The following SYNE2 variants were observed in gnomAD, a reference collection of about 807,000 sequenced individuals.
The protein encoded by SYNE2 is nesprin-2.
A neutral mutation model predicts 856.3 loss-of-function variants in SYNE2; 431 were observed. That is an observed-to-expected ratio of 0.50 (90% confidence interval 0.47 to 0.55). The LOEUF (loss-of-function observed/expected upper bound fraction) is 0.55, where lower values mean the gene tolerates loss of function less well. Among genes scored for constraint, SYNE2 ranks in the 20% least tolerant of loss-of-function variants. SYNE2 has a pLI of 0.00. For synonymous variants in SYNE2, 2,923 were observed against 2,872.3 expected (o/e 1.02, Z -0.56); for missense variants, 8,129 against 8,023.2 (o/e 1.01, Z -0.50).
rs1165630009 is a variant in SYNE2, at chr14:64,220,625, C to T, written c.20049C>T (p.Leu6683=). Residue 6683 remains leucine, a synonymous_variant, in exon 111 of 116, where the codon CTC becomes CTT. Transcript: ENST00000555002. Reference sequence around the variant, plus strand: ...GGAGAGGGGGCTTACGACAGTCGCTCATGCAGTGCCAGGTACGCTGACTCA... The same window carrying T: ...GGAGAGGGGGCTTACGACAGTCGCTTATGCAGTGCCAGGTACGCTGACTCA... ...DSWRGGLRQS[L]MQCQDFHQLS... is the part of the protein sequence containing the mutation. 8 of 1,613,914 alleles carry T rather than the reference C, an allele frequency of 5.0e-6. No homozygotes were observed. The highest frequency in any genetic ancestry group is 4.4e-5 in the South Asian group (4 of 91,054).
At position 63,832,738 on chromosome 14, in the gene SYNE2, A is replaced by G. The variant is rs550595950; in HGVS notation, c.-304-19763A>G. On this transcript the variant is annotated intron_variant, in intron 1 of 23. Transcript: ENST00000674003. Reference sequence around the variant, plus strand: ...AAGTAGGATAATTTTACTGGTAAATAATAATGCAGACCGGGTGCCATGGCT... The same window carrying G: ...AAGTAGGATAATTTTACTGGTAAATGATAATGCAGACCGGGTGCCATGGCT... Among the ~76,000 whole-genome samples the G allele has an allele frequency of 5.3e-5, 8 of 151,984 alleles. No homozygotes were observed. The South Asian group carries it at 1.7e-3, about 32-fold the overall frequency.
At chr14:64,208,098 C>T (rs1304145452) in intron 100 of SYNE2, 1 of 455,942 alleles carries the variant, frequency 2.2e-6, no homozygotes, top group Admixed American at 2.3e-5. Flanking sequence ...TGGGGAACTG[C>T]ATCACTATCA....
chr14:64,092,852 G>T (rs1239856436), intron 60 of SYNE2, among the ~76,000 whole-genome samples: 1 of 152,102 alleles, frequency 6.6e-6, no homozygotes, highest in African/African-American at 2.4e-5. Context: ...GATCCCAAGG[G>T]GTACCAGGTG....
At chr14:63,893,687 T>C (rs745970240) in intron 1 of SYNE2, among the ~76,000 whole-genome samples, 2 of 152,194 alleles carry the variant, frequency 1.3e-5, no homozygotes, top group Non-Finnish European at 2.9e-5. Context: ...ATAATAAAGA[T>C]AAAACAGCAA....
At chr14:64,119,650 T>C (rs2065889930) in intron 67 of SYNE2, 41 bp downstream of exon 67, 1 of 1,603,440 alleles carries the variant, frequency 6.2e-7, no homozygotes. Flanking sequence ...TTGATACACA[T>C]ATGTGGCAGA....
At chr14:64,201,077 A>G (rs1056088556) in intron 99 of SYNE2, among the ~76,000 whole-genome samples, 2 of 152,198 alleles carry the variant, frequency 1.3e-5, no homozygotes, top group Non-Finnish European at 2.9e-5. Flanking sequence ...CGCCACCTGC[A>G]AGGTGGATAA....
Position 64,051,720 on chromosome 14 carries a change from C to G in SYNE2, c.7807C>G (p.Leu2603Val). The G allele has an allele frequency of 6.2e-7, 1 of 1,614,184 alleles. No individual in the cohort carries two copies. The change falls in exon 48 of 116, where the codon CTT becomes GTT. Residue 2603 changes from leucine to valine, a missense_variant. Around this residue, in one of 3 missense-constraint regions of SYNE2, gnomAD observed 5,410 missense variants for 5,284.8 expected, o/e 1.02. Transcript: ENST00000555002. ...KKLLESQIKQ[L>V]EHGWEQVEQQ... ...ATTGTTGGAAAGCCAGATTAAGCAA[C>G]TTGAACATGGTTGGGAACAAGTGGA...
At chr14:64,215,232 G>A in intron 106 of SYNE2, 54 bp from the exon 107 acceptor site, 1 of 1,438,436 alleles carries the variant, frequency 7.0e-7, no homozygotes, top group South Asian at 1.1e-5. Context: ...GTTAATACTT[G>A]GGCATTAATC....
chr14:64,075,974 A>T lies in SYNE2; in HGVS notation c.10896A>T (p.Lys3632Asn), dbSNP rs757898942. The T allele has an allele frequency of 6.2e-7, 1 of 1,613,802 alleles. No homozygotes were observed. The highest frequency in any genetic ancestry group is 8.5e-7 in the Non-Finnish European group (1 of 1,179,862). Residue 3632 changes from lysine to asparagine, a missense_variant, in exon 54 of 116, where the codon AAA becomes AAT. Coordinates refer to ENST00000555002, the MANE Select transcript of SYNE2 (RefSeq NM_182914.3). ...TTCAAAGCATCCTTAAGAAAGGGAA[A>T]CTAACTTTTGAGAATATTATGGAAA... ...EELQSILKKG[K>N]LTFENIMEKL...
At chr14:63,831,326 C>T (rs976255290) in intron 1 of SYNE2, among the ~76,000 whole-genome samples, 13 of 152,038 alleles carry the variant, frequency 8.6e-5, no homozygotes, top group East Asian at 5.8e-4. Flanking sequence ...TGGGACTCTA[C>T]CTCTTTCTAT....
intron 2 of SYNE2, among the ~76,000 whole-genome samples, chr14:63,934,701 A>G (rs1398689521): frequency 1.3e-5 from 2 of 152,060 alleles, no homozygotes; most frequent in African/African-American, 4.8e-5. Flanking sequence ...CCTTCCTGCC[A>G]TAACTCCCCT....
intron 2 of SYNE2, among the ~76,000 whole-genome samples, chr14:63,930,394 T>G (rs1038735069): frequency 6.6e-6 from 1 of 152,076 alleles, no homozygotes; most frequent in African/African-American, 2.4e-5. Flanking sequence ...CAGTTGTTAA[T>G]TTTTAAAAAA....
chr14:64,212,485 T>G (rs1024848077), intron 104 of SYNE2, among the ~76,000 whole-genome samples: 6 of 152,240 alleles, frequency 3.9e-5, no homozygotes, highest in Admixed American at 3.3e-4. Flanking sequence ...ATTCGTGGCT[T>G]ATTATGGGAA....
chr14:63,799,075 C>CTTTGT (rs900929272), intron 1 of SYNE2, among the ~76,000 whole-genome samples: 8 of 152,118 alleles, frequency 5.3e-5, no homozygotes, highest in Non-Finnish European at 1.0e-4. Flanking sequence ...GACAAATGTG[C>CTTTGT]TTTGTTTTGT....
At chr14:63,795,615 C>T (rs550623120) in intron 1 of SYNE2, among the ~76,000 whole-genome samples, 52 of 152,238 alleles carry the variant, frequency 3.4e-4, no homozygotes, top group African/African-American at 1.2e-3. Flanking sequence ...TGGTCTCAAA[C>T]TCCTGGATTA....
intron 7 of SYNE2, among the ~76,000 whole-genome samples, chr14:63,951,356 G>A (rs1595843278): frequency 6.6e-6 from 1 of 152,096 alleles, no homozygotes; most frequent in African/African-American, 2.4e-5. Flanking sequence ...AGGCTGGAGT[G>A]CAGTGGCACG....
intron 1 of SYNE2, among the ~76,000 whole-genome samples, chr14:63,818,041 A>C (rs1416001869): frequency 2.7e-5 from 4 of 146,688 alleles, no homozygotes; most frequent in African/African-American, 7.7e-5. Flanking sequence ...AAAAAAAAAA[A>C]AAAAACAAAT....
intron 78 of SYNE2, among the ~76,000 whole-genome samples, chr14:64,137,258 G>A (rs1406276818): frequency 6.6e-6 from 1 of 152,164 alleles, no homozygotes; most frequent in Non-Finnish European, 1.5e-5. Context: ...GGAGTGCAGT[G>A]GCACAATCTC....
intron 109 of SYNE2, 100 bp from the exon 110 acceptor site, chr14:64,219,108 T>TTTTTTTTTTG (rs2098681451): frequency 3.7e-6 from 3 of 800,962 alleles, no homozygotes; most frequent in East Asian, 7.6e-5. Flanking sequence ...TTTTTTGTTT[T>TTTTTTTTTTG]TTTTTTTTTT....
Sources: allele counts gnomAD v4.1 joint callset (sites outside exome capture counted in the v4.1 genomes callset), GRCh38; gene constraint gnomAD v4.1.1; regional missense constraint gnomAD v4.1.1; transcripts MANE v1.5; gene names NCBI Gene and HGNC (gene_info 2026-07-23, HGNC 2026-07-21).